Variants in NASP observed in about 807,000 individuals in gnomAD.
The protein encoded by NASP is nuclear autoantigenic sperm protein, also known as NASP histone chaperone.
NASP carries 24 observed loss-of-function variants against 89.5 expected under a neutral mutation model. The ratio of observed to expected loss-of-function variants is 0.27; its 90% confidence interval spans 0.19 to 0.38. The LOEUF is 0.38. Ranked by LOEUF, NASP falls within the 10% of genes least tolerant of loss-of-function variation. The pLI is 1.00. For missense variants in NASP, 848 were observed against 921.4 expected (o/e 0.92, Z 1.03); for synonymous variants, 306 against 324.7 (o/e 0.94, Z 0.62).
intron 2 of NASP, among the ~76,000 whole-genome samples, chr1:45,598,855 TAATTC>T (rs1643762758): frequency 6.6e-6 from 1 of 152,098 alleles, no homozygotes; most frequent in Non-Finnish European, 1.5e-5. Flanking sequence ...GTGGGGGTAA[TAATTC>T]AATAACTTTA....
At chr1:45,588,784 A>C (rs1238327419) in intron 1 of NASP, 2 of 264,092 alleles carry the variant, frequency 7.6e-6, no homozygotes, top group Non-Finnish European at 1.5e-5. Context: ...TAAAAATACA[A>C]AAAAAAAATG....
At chr1:45,596,843 A>G (rs531585722) in intron 2 of NASP, among the ~76,000 whole-genome samples, 20 of 152,082 alleles carry the variant, frequency 1.3e-4, no homozygotes, top group African/African-American at 4.3e-4. Flanking sequence ...TTAGCGGGGC[A>G]TGGTGGCATG....
intron 1 of NASP, chr1:45,588,703 C>T (rs1364999962): frequency 7.0e-5 from 29 of 417,186 alleles, no homozygotes; most frequent in Non-Finnish European, 1.3e-4. Flanking sequence ...CTTTGGGAGG[C>T]CGAGGTGGGC....
chr1:45,601,942 C>T (rs1031692929), intron 2 of NASP, among the ~76,000 whole-genome samples: 15 of 151,488 alleles, frequency 9.9e-5, no homozygotes, highest in South Asian at 2.1e-4. Flanking sequence ...TTAGTAGAGA[C>T]GGGGTTTCAC....
At chr1:45,617,422 C>T in intron 13 of NASP, 41 bp from the exon 14 acceptor site, 1 of 1,591,656 alleles carries the variant, frequency 6.3e-7, no homozygotes, top group Non-Finnish European at 8.5e-7. Flanking sequence ...TTTTTAAAAA[C>T]ATTAAGCACA....
intron 9 of NASP, 82 bp downstream of exon 9, chr1:45,614,448 T>G: frequency 8.8e-7 from 1 of 1,131,946 alleles, no homozygotes; most frequent in South Asian, 1.3e-5. Context: ...GAACCGAACT[T>G]GATCTTTAAA....
At chr1:45,617,057 C>G (rs1200220927) in intron 13 of NASP, among the ~76,000 whole-genome samples, 1 of 152,156 alleles carries the variant, frequency 6.6e-6, no homozygotes, top group Non-Finnish European at 1.5e-5. Context: ...ACTGACCAGG[C>G]TGGTCTTGAA....
At chr1:45,616,146 A>C in intron 11 of NASP, among the ~76,000 whole-genome samples, 191 bp from the exon 12 acceptor site, 1 of 152,096 alleles carries the variant, frequency 6.6e-6, no homozygotes, top group East Asian at 1.9e-4. Context: ...TGTACACTCT[A>C]TGTATAGACT....
chr1:45,585,314 A>G (rs183260686), intron 1 of NASP, among the ~76,000 whole-genome samples: 2 of 151,964 alleles, frequency 1.3e-5, no homozygotes, highest in Admixed American at 1.3e-4. Context: ...CTGTAAAAGG[A>G]ATGGTTGCTG....
chr1:45,586,284 GGTGTGT>G (rs202167906), intron 1 of NASP, among the ~76,000 whole-genome samples: 26 of 100,534 alleles, frequency 2.6e-4, no homozygotes, highest in African/African-American at 7.6e-4. Flanking sequence ...GTGTGTGTGT[GGTGTGT>G]GTGTGTGTGT....
chr1:45,612,166 C>T (rs900901754), intron 6 of NASP: 1 of 152,128 alleles, frequency 6.6e-6, no homozygotes, highest in African/African-American at 2.4e-5. Context: ...AGTCACCGCG[C>T]CTGACCCTGT....
chr1:45,591,148 C>T (rs1445633087), intron 1 of NASP, 75 bp from the exon 2 acceptor site: 2 of 872,476 alleles, frequency 2.3e-6, no homozygotes, highest in African/African-American at 1.8e-5. Context: ...TTATATTTTT[C>T]TGAATTTATT....
At chr1:45,589,762 G>A (rs778577762) in intron 1 of NASP, among the ~76,000 whole-genome samples, 1 of 152,110 alleles carries the variant, frequency 6.6e-6, no homozygotes, top group South Asian at 2.1e-4. Flanking sequence ...TTAGCCAGGC[G>A]TGGTGGTGGG....
At chr1:45,594,079 A>G (rs1444643996) in intron 2 of NASP, among the ~76,000 whole-genome samples, 2 of 151,806 alleles carry the variant, frequency 1.3e-5, no homozygotes, top group African/African-American at 4.8e-5. Flanking sequence ...TGGCTCACGC[A>G]CTTTGGGAGG....
chr1:45,607,291 G>A, intron 5 of NASP, 30 bp from the exon 6 acceptor site: 3 of 1,605,436 alleles, frequency 1.9e-6, no homozygotes, highest in Non-Finnish European at 2.6e-6. Flanking sequence ...TCGAAGACAT[G>A]TTTATGCTTC....
At chr1:45,616,754 T>C (rs1644112967) in intron 13 of NASP, 51 bp downstream of exon 13, 1 of 1,531,090 alleles carries the variant, frequency 6.5e-7, no homozygotes, top group African/African-American at 1.4e-5. Context: ...GACTCCATTT[T>C]TAATCCCTTT....
rs1165215226 is a variant in NASP, at chr1:45,618,804, A to G, written c.*663A>G. ...GGAGGCTGGCTGGTTGAGTTTTGTT[A>G]TTTTCTGTATAGAAAGGTTGAGATA... On this transcript the variant is annotated 3_prime_UTR_variant, in exon 15 of 15. Transcript: ENST00000350030. 3 of 152,026 alleles carry G rather than the reference A, an allele frequency of 2.0e-5. No homozygotes were observed. Among genetic ancestry groups the G allele is most frequent in the African/African-American group, 7.3e-5 (3 of 41,356 alleles). The allele number at this position is 152,026 out of a possible 1,614,324, so 9.4% of individuals were successfully genotyped here.
At chr1:45,595,506 A>G (rs1001772983) in intron 2 of NASP, among the ~76,000 whole-genome samples, 6 of 152,130 alleles carry the variant, frequency 3.9e-5, no homozygotes, top group African/African-American at 1.4e-4. Flanking sequence ...ATGCCTGTTC[A>G]TGCTCTTATT....
In NASP at chr1:45,587,687, T is replaced by TATATATATATATATACATAA. The variant is rs66829841; in HGVS notation, c.59+3483_59+3484insTATATATATATATACATAAA. ...ATATATATATATATATATATATATATAATTAATTTTTTGGAGAGAGAGTCT... is the reference window on the plus strand; with the variant it reads ...ATATATATATATATATATATATATATATATATATATATATACATAAAATTAATTTTTTGGAGAGAGAGTCT... On this transcript the variant is annotated intron_variant, in intron 1 of 14. Coordinates refer to ENST00000350030, the MANE Select transcript of NASP (RefSeq NM_002482.4). Among the ~76,000 whole-genome samples, 2 of 78,200 alleles carry TATATATATATATATACATAA rather than the reference T, an allele frequency of 2.6e-5. 1 individual carries two copies. The highest frequency in any genetic ancestry group is 1.1e-4 in the African/African-American group (2 of 18,762). The allele number at this position is 78,200 out of a possible 152,430, so 51.3% of individuals were successfully genotyped here.
Sources: gnomAD v4.1 joint callset for allele counts (sites outside exome capture counted in the v4.1 genomes callset) on GRCh38, gnomAD v4.1.1 for gene constraint, MANE v1.5 for transcripts, NCBI Gene and HGNC (gene_info 2026-07-23, HGNC 2026-07-21) for gene names.